Variants in TDRD1 observed in about 807,000 individuals in gnomAD.
TDRD1 encodes tudor domain containing 1, also known as tudor domain-containing protein 1.
A neutral mutation model predicts 140.6 loss-of-function variants in TDRD1; 37 were observed. The ratio of observed to expected loss-of-function variants is 0.26; its 90% CI spans 0.20 to 0.35. TDRD1 has a LOEUF of 0.35. TDRD1 is among the 10% of genes least tolerant of loss of function. TDRD1 has a pLI of 1.00. For synonymous variants in TDRD1, 506 were observed against 475.7 expected, an observed-to-expected ratio of 1.06 and a Z score of -0.83; for missense variants, 1,243 against 1,393.0, an observed-to-expected ratio of 0.89 and a Z score of 1.71.
intron 5 of TDRD1, among the ~76,000 whole-genome samples, chr10:114,201,928 A>G (rs2034771349): frequency 6.6e-6 from 1 of 152,244 alleles, no homozygotes; most frequent in South Asian, 2.1e-4. Context: ...TGTGTAAGTA[A>G]TGTAGGGAAT....
chr10:114,231,583 A>T, exon 26 of TDRD1: 1 of 1,340,728 alleles, frequency 7.5e-7, no homozygotes, highest in African/African-American at 1.5e-5. Flanking sequence ...TATTTATGAG[A>T]ACCTTTTCTT....
rs199499232 is a variant in TDRD1, at chr10:114,188,098, G to A, written c.267G>A (p.Pro89=). The change falls in exon 2 of 26, where the codon CCG becomes CCA. Residue 89 remains proline (P), a synonymous_variant. Transcript: ENST00000251864. The stretch of plus-strand genomic sequence containing the variant: ...AAGACAATTCAGTTTCTTCAAACCC[G>A]AATGGCATCAACGGAGAAGTAGTTG... The A allele has an allele frequency of 4.0e-5, 65 of 1,611,618 alleles. No homozygotes were observed. The East Asian group carries it at 7.4e-4, about 18-fold the overall frequency.
At chr10:114,224,200 G>C (rs1429817082) in intron 21 of TDRD1, among the ~76,000 whole-genome samples, 1 of 152,234 alleles carries the variant, frequency 6.6e-6, no homozygotes, top group Non-Finnish European at 1.5e-5. Context: ...CCTGGATGCA[G>C]AATTCTAGAT....
upstream of TDRD1, among the ~76,000 whole-genome samples, chr10:114,178,632 C>G (rs1187317870): frequency 2.0e-5 from 3 of 152,162 alleles, no homozygotes; most frequent in Non-Finnish European, 2.9e-5. Flanking sequence ...GAAATGCTGA[C>G]AAACACAGTG....
At chr10:114,228,277 CT>C (rs1215331643) in intron 25 of TDRD1, 2 of 1,416,200 alleles carry the variant, frequency 1.4e-6, no homozygotes, top group Non-Finnish European at 1.8e-6. Flanking sequence ...CATAATGCTT[CT>C]GCTGTTTTTG....
upstream of TDRD1, among the ~76,000 whole-genome samples, chr10:114,177,334 G>T (rs1166924309): frequency 6.6e-6 from 1 of 152,144 alleles, no homozygotes; most frequent in East Asian, 1.9e-4. Flanking sequence ...CACTACCACA[G>T]CCAGATGACC....
At chr10:114,210,096 G>A (rs2035385908) in intron 11 of TDRD1, among the ~76,000 whole-genome samples, 1 of 152,050 alleles carries the variant, frequency 6.6e-6, no homozygotes, top group African/African-American at 2.4e-5. Context: ...CTCTTGACTT[G>A]TGACTTTATG....
exon 26 of TDRD1, chr10:114,232,058 T>A (rs1468964415): frequency 6.6e-6 from 1 of 152,322 alleles, no homozygotes; most frequent in Non-Finnish European, 1.5e-5. Context: ...TTTGCTTTCA[T>A]GTTTGTTATC....
At chr10:114,228,381 G>A in intron 25 of TDRD1, 1 of 1,208,666 alleles carries the variant, frequency 8.3e-7, no homozygotes, top group Non-Finnish European at 1.0e-6. Flanking sequence ...ACTGTTGTTT[G>A]GTTCTGTGAA....
intron 5 of TDRD1, 104 bp from the exon 6 acceptor site, chr10:114,202,134 C>T: frequency 5.9e-6 from 5 of 848,022 alleles, no homozygotes; most frequent in Non-Finnish European, 9.0e-6. Context: ...AGCTGTTTTG[C>T]TCTTTCAGGA....
intron 21 of TDRD1, among the ~76,000 whole-genome samples, chr10:114,223,853 T>C (rs2036287383): frequency 6.6e-6 from 1 of 152,206 alleles, no homozygotes; most frequent in Non-Finnish European, 1.5e-5. Flanking sequence ...CATTACCATA[T>C]TGGAGGCATC....
chr10:114,226,940 G>A, intron 22 of TDRD1, 132 bp from the exon 23 acceptor site: 1 of 597,570 alleles, frequency 1.7e-6, no homozygotes, highest in African/African-American at 1.9e-5. Flanking sequence ...TAATGCAACA[G>A]CAGTAGTACA....
intron 10 of TDRD1, among the ~76,000 whole-genome samples, chr10:114,205,879 G>A (rs34926921): frequency 0.073 from 11,112 of 152,236 alleles, 530 homozygotes; most frequent in Middle Eastern, 0.14. Flanking sequence ...TGGATGATTT[G>A]TAACTCAAAG....
intron 4 of TDRD1, 51 bp from the exon 5 acceptor site, chr10:114,201,359 T>C (rs774966571): frequency 4.8e-6 from 7 of 1,453,138 alleles, no homozygotes; most frequent in Non-Finnish European, 5.8e-6. Context: ...GTGTGGACTT[T>C]GAGAATGTCT....
chr10:114,185,567 G>A (rs972157382), intron 1 of TDRD1, among the ~76,000 whole-genome samples: 1 of 152,042 alleles, frequency 6.6e-6, no homozygotes, highest in Non-Finnish European at 1.5e-5. Flanking sequence ...ATGTGCTACT[G>A]ATATTAACAT....
chr10:114,199,077 C>T (rs2034557750), intron 3 of TDRD1, 96 bp from the exon 4 acceptor site: 1 of 1,327,672 alleles, frequency 7.5e-7, no homozygotes, highest in East Asian at 2.4e-5. Flanking sequence ...AGGAAAAGTA[C>T]ATCTACTTGA....
chr10:114,227,014 T>C, intron 22 of TDRD1, 58 bp from the exon 23 acceptor site: 1 of 902,502 alleles, frequency 1.1e-6, no homozygotes, highest in East Asian at 2.7e-5. Context: ...TTAGATAATT[T>C]ATCTAAATTC....
At chr10:114,223,341 T>G (rs1020753420) in intron 21 of TDRD1, among the ~76,000 whole-genome samples, 1 of 152,208 alleles carries the variant, frequency 6.6e-6, no homozygotes, top group Non-Finnish European at 1.5e-5. Context: ...GGGACAGGGC[T>G]GCTTTCAGTC....
intron 25 of TDRD1, chr10:114,228,746 A>G: frequency 2.0e-6 from 2 of 985,386 alleles, no homozygotes; most frequent in Non-Finnish European, 2.4e-6. Context: ...CCTTTGTTGT[A>G]AGATGGTTCT....
Sources: gnomAD v4.1 joint callset for allele counts (sites outside exome capture counted in the v4.1 genomes callset) on GRCh38, gnomAD v4.1.1 for gene constraint, MANE v1.5 for transcripts, NCBI Gene and HGNC (gene_info 2026-07-23, HGNC 2026-07-21) for gene names.